EGFR: variants seen among roughly 807,000 people sequenced by gnomAD.
The protein encoded by EGFR is avian erythroblastic leukemia viral (v-erb-b) oncogene homolog.
In EGFR, 58 loss-of-function variants were observed where a neutral mutation model predicts 143.0. The ratio of observed to expected loss-of-function variants is 0.41; its 90% CI spans 0.33 to 0.50. The LOEUF is 0.50. EGFR is among the 20% of genes least tolerant of loss of function. The pLI is 0.39. For synonymous variants in EGFR, 613 were observed against 594.4 expected (o/e 1.03, Z -0.45); for missense variants, 1,307 against 1,579.0 (o/e 0.83, Z 2.92).
chr7:55,055,851 T>A (rs1788781761), intron 1 of EGFR, among the ~76,000 whole-genome samples: 1 of 152,112 alleles, frequency 6.6e-6, no homozygotes, highest in African/African-American at 2.4e-5. Flanking sequence ...GATGTTCACC[T>A]GCTTGAGGTC....
intron 15 of EGFR, among the ~76,000 whole-genome samples, chr7:55,169,587 G>A (rs1170434218): frequency 2.0e-5 from 3 of 152,054 alleles, no homozygotes; most frequent in Non-Finnish European, 4.4e-5. Flanking sequence ...AGAATCAAGT[G>A]GGAGCCAGAG....
intron 1 of EGFR, among the ~76,000 whole-genome samples, chr7:55,093,089 G>A (rs1031195132): frequency 3.9e-5 from 6 of 152,158 alleles, no homozygotes; most frequent in African/African-American, 1.2e-4. Flanking sequence ...AATGAAATGA[G>A]GCTTTGAAAA....
At chr7:55,144,661 G>A (rs76313523) in intron 3 of EGFR, among the ~76,000 whole-genome samples, 124 of 152,184 alleles carry the variant, frequency 8.1e-4, no homozygotes, top group African/African-American at 2.5e-3. Flanking sequence ...GAGCAGCCGC[G>A]CACATGCTTG....
At position 55,142,283 on chromosome 7, in the gene EGFR, C is replaced by T. The variant is rs2128926104; in HGVS notation, c.89-3C>T. The T allele has an allele frequency of 1.2e-6, 2 of 1,614,118 alleles. No individual in the cohort carries two copies. The highest frequency in any genetic ancestry group is 1.7e-6 in the Non-Finnish European group (2 of 1,180,024). On this transcript the variant is annotated splice_region_variant and splice_polypyrimidine_tract_variant and intron_variant, in intron 1 of 27. Transcript: ENST00000275493. Reference sequence around the variant, plus strand: ...TCATGTGATATCTGTCTTTTTCTTCCAGTTTGCCAAGGCACGAGTAACAAG... The same window carrying T: ...TCATGTGATATCTGTCTTTTTCTTCTAGTTTGCCAAGGCACGAGTAACAAG...
intron 1 of EGFR, among the ~76,000 whole-genome samples, chr7:55,049,582 T>TCTC (rs965321207): frequency 6.6e-6 from 1 of 151,898 alleles, no homozygotes; most frequent in Non-Finnish European, 1.5e-5. Context: ...TGCTGTCTTC[T>TCTC]CTCCTCCTCC....
intron 6 of EGFR, among the ~76,000 whole-genome samples, chr7:55,153,012 G>T (rs1450725176): frequency 3.9e-5 from 6 of 152,240 alleles, no homozygotes; most frequent in Non-Finnish European, 7.3e-5. Flanking sequence ...TATTTGTCAT[G>T]AATGTGCCTT....
intron 24 of EGFR, 94 bp from the exon 25 acceptor site, chr7:55,201,094 G>C (rs2128971285): frequency 6.6e-7 from 1 of 1,526,408 alleles, no homozygotes; most frequent in Non-Finnish European, 9.1e-7. Context: ...CAAACACACA[G>C]GCACCTGCTG....
intron 1 of EGFR, among the ~76,000 whole-genome samples, chr7:55,062,858 C>T (rs1179563648): frequency 6.6e-6 from 1 of 152,040 alleles, no homozygotes; most frequent in Non-Finnish European, 1.5e-5. Context: ...GCTGCTCATA[C>T]GAGATGAATC....
intron 24 of EGFR, 135 bp downstream of exon 24, chr7:55,200,548 C>G (rs774204822): frequency 1.1e-6 from 1 of 905,802 alleles, no homozygotes; most frequent in Non-Finnish European, 1.8e-6. Flanking sequence ...CGCATTAGAG[C>G]AAGCCTCAGT....
At chr7:55,141,968 T>A (rs41373948) in intron 1 of EGFR, among the ~76,000 whole-genome samples, 1 of 152,236 alleles carries the variant, frequency 6.6e-6, no homozygotes, top group Admixed American at 6.5e-5. Flanking sequence ...CATTTTTTTA[T>A]TTTGGCATTT....
At chr7:55,069,795 C>T (rs986847860) in intron 1 of EGFR, among the ~76,000 whole-genome samples, 9 of 152,156 alleles carry the variant, frequency 5.9e-5, no homozygotes, top group African/African-American at 2.2e-4. Context: ...AGACAGAATC[C>T]TTACAAGGAA....
intron 1 of EGFR, among the ~76,000 whole-genome samples, chr7:55,116,700 C>T (rs1792871010): frequency 6.6e-6 from 1 of 152,226 alleles, no homozygotes; most frequent in South Asian, 2.1e-4. Context: ...ATCCTAAGGC[C>T]AGCACGATGG....
intron 1 of EGFR, among the ~76,000 whole-genome samples, chr7:55,020,722 T>C (rs4947963): frequency 0.3 from 45,876 of 151,720 alleles, 8,273 homozygotes; most frequent in East Asian, 0.69. Context: ...ATTGCACAAT[T>C]CCAACCTTGA....
At chr7:55,147,145 C>T (rs780568669) in intron 4 of EGFR, among the ~76,000 whole-genome samples, 184 of 152,320 alleles carry the variant, frequency 1.2e-3, no homozygotes, top group African/African-American at 1.9e-3. Context: ...GAATCCACCC[C>T]CAGCTGAGGG....
chr7:55,053,710 G>T (rs1346353824), intron 1 of EGFR, among the ~76,000 whole-genome samples: 2 of 152,196 alleles, frequency 1.3e-5, no homozygotes, highest in Non-Finnish European at 2.9e-5. Flanking sequence ...GCCCTTGCCG[G>T]GCCAGGCCCG....
At chr7:55,162,351 A>G (rs1242623763) in intron 13 of EGFR, among the ~76,000 whole-genome samples, 2 of 152,260 alleles carry the variant, frequency 1.3e-5, no homozygotes, top group Non-Finnish European at 2.9e-5. Flanking sequence ...TGGCTGTAGG[A>G]ATTCTTCCTG....
chr7:55,056,488 C>T (rs747120085), intron 1 of EGFR, among the ~76,000 whole-genome samples: 7 of 152,182 alleles, frequency 4.6e-5, no homozygotes, highest in African/African-American at 1.4e-4. Context: ...TTGCCAACTG[C>T]GGTTCCCATT....
intron 1 of EGFR, among the ~76,000 whole-genome samples, chr7:55,104,721 C>A (rs1792028559): frequency 6.6e-6 from 1 of 152,212 alleles, no homozygotes; most frequent in Non-Finnish European, 1.5e-5. Context: ...TCCCAACCCA[C>A]TGTAAGAGGC....
chr7:55,025,404 G>C (rs749525330), intron 1 of EGFR, among the ~76,000 whole-genome samples: 29 of 152,156 alleles, frequency 1.9e-4, no homozygotes, highest in Non-Finnish European at 3.4e-4. Flanking sequence ...TGACACCCAG[G>C]CTTCTCACTT....
Sources: allele counts gnomAD v4.1 joint callset (sites outside exome capture counted in the v4.1 genomes callset), GRCh38; gene constraint gnomAD v4.1.1; transcripts MANE v1.5; gene names NCBI Gene and HGNC (gene_info 2026-07-23, HGNC 2026-07-21).